The following SLC5A8 variants were observed in gnomAD, a reference collection of about 807,000 sequenced individuals.
SLC5A8 encodes solute carrier family 5 member 8, also known as sodium-coupled monocarboxylate transporter 1.
Under a neutral mutation model 71.9 loss-of-function variants are expected in SLC5A8, and 55 were observed. The observed-to-expected ratio is 0.77, with a 90% confidence interval of 0.62 to 0.96. The LOEUF is 0.96. Among genes scored for constraint, SLC5A8 ranks in the 40% least tolerant of loss-of-function variants. SLC5A8 has a pLI of 0.00. For missense variants in SLC5A8, 701 were observed against 745.3 expected (o/e 0.94, Z 0.69); for synonymous variants, 307 against 276.1 (o/e 1.11, Z -1.11).
chr12:101,210,153 C>G lies in SLC5A8; in HGVS notation c.-305G>C. 2.6e-6 allele frequency: 1 copy of G among 380,488 alleles called. No homozygotes were observed. Among genetic ancestry groups the G allele is most frequent in the Non-Finnish European group, 4.6e-6 (1 of 215,364 alleles). The allele number at this position is 380,488 out of a possible 1,614,324, so 23.6% of individuals were successfully genotyped here. On this transcript the variant is annotated 5_prime_UTR_variant, in exon 1 of 15. Coordinates refer to ENST00000536262, the MANE Select transcript of SLC5A8 (RefSeq NM_145913.5). ...TGGAGTGGCCGAGTTCGCCAAGGCG[C>G]CGGGGACACCTGAGCAGATGAGAAC...
At chr12:101,166,864 T>G (rs1404613335) in intron 11 of SLC5A8, among the ~76,000 whole-genome samples, 165 bp from the exon 12 acceptor site, 1 of 152,074 alleles carries the variant, frequency 6.6e-6, no homozygotes, top group Non-Finnish European at 1.5e-5. Flanking sequence ...CATAAAAATC[T>G]ATTGAATAAA....
Position 101,184,127 on chromosome 12 carries a change from T to C in SLC5A8, c.1052+7A>G. On this transcript the variant is annotated splice_region_variant and intron_variant, in intron 8 of 14. Coordinates refer to ENST00000536262, the MANE Select transcript of SLC5A8 (RefSeq NM_145913.5). Reference sequence around the variant, plus strand: ...AAATCATATGTTATTAGAGTCATAGTTCATACCTTAATGTCCCACTGTAAG... The same window carrying C: ...AAATCATATGTTATTAGAGTCATAGCTCATACCTTAATGTCCCACTGTAAG... 1 of 1,611,518 alleles carries C rather than the reference T, an allele frequency of 6.2e-7. No homozygotes were observed. Among genetic ancestry groups the C allele is most frequent in the South Asian group, 1.1e-5 (1 of 90,946 alleles).
chr12:101,201,609 G>A (rs1617869), intron 3 of SLC5A8, among the ~76,000 whole-genome samples: 72,096 of 151,606 alleles, frequency 0.48, 17,477 homozygotes, highest in East Asian at 0.64. Flanking sequence ...GAGAGTATGG[G>A]TACTTTGTTG....
At chr12:101,198,829 G>T (rs1040249862) in intron 3 of SLC5A8, among the ~76,000 whole-genome samples, 1 of 151,886 alleles carries the variant, frequency 6.6e-6, no homozygotes, top group East Asian at 1.9e-4. Context: ...ATATAAAAAG[G>T]ATAATACATT....
chr12:101,168,784 A>G (rs1004233941), intron 10 of SLC5A8, among the ~76,000 whole-genome samples: 3 of 152,226 alleles, frequency 2.0e-5, no homozygotes, highest in Non-Finnish European at 4.4e-5. Context: ...TACAGTGCAA[A>G]CATCGCATGA....
chr12:101,180,006 A>T, intron 10 of SLC5A8, 23 bp downstream of exon 10: 1 of 1,613,720 alleles, frequency 6.2e-7, no homozygotes, highest in Non-Finnish European at 8.5e-7. Flanking sequence ...TTATGACTTA[A>T]ACCTCCAGGG....
At chr12:101,177,992 A>C (rs1482854524) in intron 10 of SLC5A8, among the ~76,000 whole-genome samples, 1 of 152,192 alleles carries the variant, frequency 6.6e-6, no homozygotes, top group African/African-American at 2.4e-5. Flanking sequence ...GGAATATAAC[A>C]AAACAAACTA....
intron 6 of SLC5A8, among the ~76,000 whole-genome samples, 173 bp from the exon 7 acceptor site, chr12:101,187,688 A>G (rs1868717726): frequency 6.6e-6 from 1 of 152,238 alleles, no homozygotes; most frequent in Admixed American, 6.5e-5. Flanking sequence ...TCTGCTTATG[A>G]TACCAATCAA....
At chr12:101,188,807 A>G (rs1349025571) in intron 6 of SLC5A8, among the ~76,000 whole-genome samples, 3 of 152,284 alleles carry the variant, frequency 2.0e-5, no homozygotes, top group East Asian at 1.9e-4. Context: ...TCTCCAAATC[A>G]CCAGAAAATT....
At chr12:101,187,103 C>A (rs181602753) in intron 7 of SLC5A8, among the ~76,000 whole-genome samples, 14 of 152,216 alleles carry the variant, frequency 9.2e-5, no homozygotes, top group South Asian at 4.2e-4. Flanking sequence ...ACAACAACAA[C>A]AAAAAACTGT....
At chr12:101,166,805 C>T in intron 11 of SLC5A8, 106 bp from the exon 12 acceptor site, 2 of 1,014,756 alleles carry the variant, frequency 2.0e-6, no homozygotes, top group Non-Finnish European at 2.8e-6. Flanking sequence ...ATAAAACTCA[C>T]AAGGGCAGAA....
At chr12:101,173,347 A>G (rs1420358201) in intron 10 of SLC5A8, among the ~76,000 whole-genome samples, 1 of 152,074 alleles carries the variant, frequency 6.6e-6, no homozygotes, top group East Asian at 1.9e-4. Context: ...CTCTTCATGG[A>G]CCATATGGTG....
chr12:101,185,415 A>G (rs1868589385), intron 7 of SLC5A8, among the ~76,000 whole-genome samples: 1 of 152,204 alleles, frequency 6.6e-6, no homozygotes, highest in Non-Finnish European at 1.5e-5. Context: ...ATTATTTCGT[A>G]TCTGAGTGGC....
At chr12:101,177,137 A>G (rs549617584) in intron 10 of SLC5A8, among the ~76,000 whole-genome samples, 8 of 152,228 alleles carry the variant, frequency 5.3e-5, no homozygotes, top group African/African-American at 1.7e-4. Context: ...ATGAACAACT[A>G]TACATGTATA....
At chr12:101,170,446 ACCTGAAGAATGGTACAGGGTGAGTTC>A (rs1428717896) in intron 10 of SLC5A8, among the ~76,000 whole-genome samples, 4 of 152,174 alleles carry the variant, frequency 2.6e-5, no homozygotes, top group African/African-American at 9.7e-5. Context: ...GGGACCCTGG[ACCTGAAGAATGGTACAGGGTGAGTTC>A]CCTAAGTTTT....
At chr12:101,199,089 A>T (rs997069870) in intron 3 of SLC5A8, among the ~76,000 whole-genome samples, 5 of 152,018 alleles carry the variant, frequency 3.3e-5, no homozygotes, top group Admixed American at 3.3e-4. Context: ...TATAAAAGTC[A>T]GTTGTATTTT....
At chr12:101,198,705 T>A (rs1869303779) in intron 3 of SLC5A8, among the ~76,000 whole-genome samples, 1 of 151,862 alleles carries the variant, frequency 6.6e-6, no homozygotes, top group Non-Finnish European at 1.5e-5. Flanking sequence ...CTACCAAGCA[T>A]GTAAGAAATA....
In SLC5A8 at chr12:101,182,929, T is replaced by C. The variant is rs1868433297; in HGVS notation, c.1053-14A>G. Reference sequence around the variant, plus strand: ...GAGGACACTGTGCTGTAAGGGAAAATAAAACTTTTGATTTATAATATTTTA... The same window carrying C: ...GAGGACACTGTGCTGTAAGGGAAAACAAAACTTTTGATTTATAATATTTTA... On this transcript the variant is annotated splice_polypyrimidine_tract_variant and intron_variant, in intron 8 of 14. Coordinates refer to ENST00000536262, the MANE Select transcript of SLC5A8 (RefSeq NM_145913.5). 7.0e-7 allele frequency: 1 copy of C among 1,425,974 alleles called. No individual in the cohort carries two copies. The highest frequency in any genetic ancestry group is 9.3e-7 in the Non-Finnish European group (1 of 1,071,932). 88.3% of individuals were successfully genotyped at this position (1,425,974 alleles called of 1,614,324 possible). A position where few individuals can be genotyped will look rare whatever the true frequency, so the allele number is the denominator to read the frequency against.
At chr12:101,169,145 G>A (rs931104424) in intron 10 of SLC5A8, among the ~76,000 whole-genome samples, 3 of 152,158 alleles carry the variant, frequency 2.0e-5, no homozygotes, top group East Asian at 1.9e-4. Context: ...AAGGGAGATA[G>A]ACTTCACTGC....
Sources: allele counts gnomAD v4.1 joint callset (sites outside exome capture counted in the v4.1 genomes callset), GRCh38; gene constraint gnomAD v4.1.1; transcripts MANE v1.5; gene names NCBI Gene and HGNC (gene_info 2026-07-23, HGNC 2026-07-21).